Variants in TOX3 observed in about 807,000 individuals in gnomAD.
TOX3 encodes the protein CAG trinucleotide repeat-containing gene F9 protein.
A neutral mutation model predicts 64.3 loss-of-function variants in TOX3; 22 were observed. The ratio of observed to expected loss-of-function variants is 0.34; its 90% CI spans 0.24 to 0.49. The LOEUF (loss-of-function observed/expected upper bound fraction) is 0.49. TOX3 is among the 20% of genes least tolerant of loss of function. The pLI, the probability that TOX3 is intolerant of heterozygous loss-of-function variation, is 0.99. For missense variants in TOX3, 661 were observed against 714.4 expected (o/e 0.93, Z 0.85); for synonymous variants, 291 against 273.6 (o/e 1.06, Z -0.63).
rs548686248 is a variant in TOX3 at position 52,489,019 on chromosome 16, C to G, written c.88-20445G>C. 3.9e-5 allele frequency among the ~76,000 whole-genome samples: 6 copies of G among 152,272 alleles called. No individual in the cohort carries two copies. The East Asian group carries it at 1.2e-3, about 29-fold the overall frequency. On this transcript the variant is annotated intron_variant, in intron 1 of 6. Coordinates refer to ENST00000219746, the MANE Select transcript of TOX3 (RefSeq NM_001080430.4). ...TGTCCCTCAATGGGTAAACAGAGGC[C>G]ATGAGGTATGCAGTTCTTTTGCAAC...
chr16:52,536,627 C>CTATATATATA (rs57164139), intron 1 of TOX3, among the ~76,000 whole-genome samples: 18 of 34,260 alleles, frequency 5.3e-4, no homozygotes, highest in East Asian at 7.9e-4. Flanking sequence ...TAGATATACA[C>CTATATATATA]TATATATATA....
chr16:52,503,207 A>G (rs576160114), intron 1 of TOX3, among the ~76,000 whole-genome samples: 2 of 152,320 alleles, frequency 1.3e-5, no homozygotes, highest in South Asian at 4.1e-4. Context: ...AAGTATTAAA[A>G]TACAGAATAA....
At chr16:52,496,700 T>C (rs2151461551) in intron 1 of TOX3, among the ~76,000 whole-genome samples, 1 of 152,320 alleles carries the variant, frequency 6.6e-6, no homozygotes, top group African/African-American at 2.4e-5. Context: ...CAAAATCAAT[T>C]TTCTTTTGGA....
chr16:52,446,534 A>T (rs1960169904), intron 4 of TOX3, among the ~76,000 whole-genome samples: 1 of 152,210 alleles, frequency 6.6e-6, no homozygotes, highest in South Asian at 2.1e-4. Context: ...TATACTACAC[A>T]TACATACATC....
intron 1 of TOX3, among the ~76,000 whole-genome samples, chr16:52,521,070 G>C (rs1415140896): frequency 6.6e-6 from 1 of 151,892 alleles, no homozygotes; most frequent in Non-Finnish European, 1.5e-5. Context: ...GTTGTAACTG[G>C]GTCCTGTATG....
At chr16:52,538,214 CTG>C (rs1963000070) in intron 1 of TOX3, among the ~76,000 whole-genome samples, 1 of 152,162 alleles carries the variant, frequency 6.6e-6, no homozygotes, top group African/African-American at 2.4e-5. Flanking sequence ...ATTTTATTAA[CTG>C]TTTGATATTT....
intron 1 of TOX3, among the ~76,000 whole-genome samples, chr16:52,491,255 A>T (rs1305473339): frequency 1.3e-5 from 2 of 151,774 alleles, no homozygotes; most frequent in African/African-American, 4.8e-5. Flanking sequence ...TCATAGAAGG[A>T]TCCTTTTCTG....
intron 1 of TOX3, among the ~76,000 whole-genome samples, chr16:52,515,497 C>A (rs1962430157): frequency 1.3e-5 from 2 of 152,272 alleles, no homozygotes; most frequent in Middle Eastern, 3.4e-3. Context: ...TTTTCCCTAC[C>A]AGCTTTGGGA....
At position 52,546,916 on chromosome 16, in the gene TOX3, G is replaced by C; in HGVS notation, c.-193C>G. ...CCGCCGCACACAAAGGCGCGGCCAC[G>C]CGAGCCGCGGGAGAGCGGGAGGCGG... On this transcript the variant is annotated 5_prime_UTR_variant, in exon 1 of 7. Transcript: ENST00000219746. 9.3e-7 allele frequency: 1 copy of C among 1,075,928 alleles called. No homozygotes were observed. Among genetic ancestry groups the C allele is most frequent in the Non-Finnish European group, 1.1e-6 (1 of 889,354 alleles). 66.6% of individuals were successfully genotyped at this position (1,075,928 alleles called of 1,614,324 possible).
intron 3 of TOX3, among the ~76,000 whole-genome samples, chr16:52,450,807 AG>A (rs1231284034): frequency 7.3e-4 from 34 of 46,584 alleles, no homozygotes; most frequent in Non-Finnish European, 1.6e-3. Flanking sequence ...GAAGGAAGGA[AG>A]GAAGGAAGGA....
chr16:52,451,744 A>C (rs1960357193), intron 3 of TOX3, among the ~76,000 whole-genome samples: 1 of 152,232 alleles, frequency 6.6e-6, no homozygotes, highest in Non-Finnish European at 1.5e-5. Context: ...CTCAATGAGA[A>C]GATCTATCAA....
At chr16:52,518,800 C>T (rs1007294897) in intron 1 of TOX3, among the ~76,000 whole-genome samples, 14 of 152,188 alleles carry the variant, frequency 9.2e-5, no homozygotes, top group African/African-American at 3.1e-4. Context: ...ATATAGTTTT[C>T]ACAGATTACA....
chr16:52,454,983 T>C (rs1043819013), intron 3 of TOX3, among the ~76,000 whole-genome samples: 1 of 152,198 alleles, frequency 6.6e-6, no homozygotes. Context: ...TTTGTTAATA[T>C]TACTTCTTAC....
At chr16:52,519,336 C>A (rs1334770266) in intron 1 of TOX3, 1 of 1,440,504 alleles carries the variant, frequency 6.9e-7, no homozygotes, top group Non-Finnish European at 9.4e-7. Context: ...ATCAGACAAA[C>A]TGATAAAAGA....
In TOX3 at chr16:52,454,736, C is replaced by A. The variant is rs542325933; in HGVS notation, c.409-4190G>T. On this transcript the variant is annotated intron_variant, in intron 3 of 6. Transcript: ENST00000219746. ...TATTTACTGAGCCCCTACTATGTAT[C>A]AGGCCAGAGAAGGCAATATATCAAA... 1.2e-3 allele frequency among the ~76,000 whole-genome samples: 182 copies of A among 152,300 alleles called. 1 individual carries two copies. The highest frequency in any genetic ancestry group is 3.5e-3 in the African/African-American group (147 of 41,558).
intron 1 of TOX3, among the ~76,000 whole-genome samples, chr16:52,522,667 A>C (rs1485537244): frequency 2.0e-5 from 3 of 152,190 alleles, no homozygotes; most frequent in African/African-American, 7.2e-5. Flanking sequence ...GGAGTTCCCA[A>C]GACACTGGTC....
intron 3 of TOX3, among the ~76,000 whole-genome samples, chr16:52,460,214 T>C (rs1239832584): frequency 6.6e-6 from 1 of 152,194 alleles, no homozygotes; most frequent in Non-Finnish European, 1.5e-5. Flanking sequence ...TCTATAAATA[T>C]GTGTGATCAC....
intron 1 of TOX3, among the ~76,000 whole-genome samples, chr16:52,488,012 C>G (rs764270100): frequency 6.6e-6 from 1 of 152,146 alleles, no homozygotes; most frequent in East Asian, 1.9e-4. Context: ...TATCAGTTAT[C>G]TTAAGTAAGC....
intron 1 of TOX3, among the ~76,000 whole-genome samples, chr16:52,500,406 G>A (rs1045018105): frequency 2.0e-5 from 3 of 152,048 alleles, no homozygotes; most frequent in African/African-American, 7.3e-5. Context: ...CCAGTTAATC[G>A]GCATTCGATC....
Sources: allele counts gnomAD v4.1 joint callset (sites outside exome capture counted in the v4.1 genomes callset), GRCh38; gene constraint gnomAD v4.1.1; transcripts MANE v1.5; gene names NCBI Gene and HGNC (gene_info 2026-07-23, HGNC 2026-07-21).